Variants in PBX1 observed in about 807,000 individuals in gnomAD.
The protein encoded by PBX1 is pre-B-cell leukemia transcription factor 1.
Under a neutral mutation model 53.4 loss-of-function variants are expected in PBX1, and 6 were observed. That is an observed-to-expected ratio of 0.11 (90% CI 0.06 to 0.22). The LOEUF is 0.22. Ranked by LOEUF, PBX1 falls within the 10% of genes least tolerant of loss-of-function variation. The probability of loss-of-function intolerance (pLI) is 1.00; values close to 1 mark genes in which losing one functional copy is unlikely to be tolerated. For missense variants in PBX1, 251 were observed against 551.4 expected (o/e 0.46, Z 5.46); for synonymous variants, 204 against 212.3 (o/e 0.96, Z 0.34).
Position 164,679,382 on chromosome 1 carries a change from A to G in PBX1, c.266-113112A>G, listed in dbSNP as rs557763143. ...GTGGACATCACAGTGGGAGCAGTCT[A>G]CTGGGTGGGAGGGGTGCTGTCAGGT... On this transcript the variant is annotated intron_variant, in intron 2 of 8. Transcript: ENST00000420696. Among the ~76,000 whole-genome samples, 7 of 152,302 alleles carry G rather than the reference A, an allele frequency of 4.6e-5. No individual in the cohort carries two copies. The East Asian group carries it at 5.8e-4, about 13-fold the overall frequency.
intron 3 of PBX1, among the ~76,000 whole-genome samples, chr1:164,793,815 G>A (rs1432334925): frequency 2.6e-4 from 30 of 114,262 alleles, no homozygotes; most frequent in Admixed American, 1.8e-3. Context: ...CTTTTTTTTC[G>A]TTTCTTCTTT....
chr1:164,812,584 A>G (rs989060205), intron 6 of PBX1: 2 of 154,164 alleles, frequency 1.3e-5, no homozygotes, highest in Non-Finnish European at 2.9e-5. Context: ...ATTAGCATGC[A>G]TTCTATGCAG....
chr1:164,772,430 G>A (rs1378174009), intron 2 of PBX1, among the ~76,000 whole-genome samples: 3 of 152,168 alleles, frequency 2.0e-5, no homozygotes, highest in Non-Finnish European at 4.4e-5. Context: ...AATTTGAGAG[G>A]GCTTTGCCAC....
chr1:164,804,047 T>C (rs1669215726), intron 4 of PBX1, among the ~76,000 whole-genome samples: 1 of 152,168 alleles, frequency 6.6e-6, no homozygotes, highest in African/African-American at 2.4e-5. Context: ...TACATTGTTA[T>C]ATATATACAC....
chr1:164,621,888 C>G (rs73018921), intron 2 of PBX1, among the ~76,000 whole-genome samples: 1 of 152,002 alleles, frequency 6.6e-6, no homozygotes, highest in African/African-American at 2.4e-5. Context: ...GAAGTTAGGA[C>G]CAGAAGAAAA....
chr1:164,834,525 A>G (rs182259376), intron 8 of PBX1, among the ~76,000 whole-genome samples: 75 of 151,988 alleles, frequency 4.9e-4, no homozygotes, highest in Non-Finnish European at 9.7e-4. Context: ...TGTATTTTTT[A>G]GTAGAGACGG....
At chr1:164,844,808 C>T (rs182093412) in intron 8 of PBX1, among the ~76,000 whole-genome samples, 98 of 152,254 alleles carry the variant, frequency 6.4e-4, no homozygotes, top group African/African-American at 2.3e-3. Context: ...TCTGGTTATA[C>T]TACAGAGTCT....
chr1:164,595,922 C>G (rs1408374662), intron 2 of PBX1, among the ~76,000 whole-genome samples: 1 of 151,990 alleles, frequency 6.6e-6, no homozygotes, highest in Non-Finnish European at 1.5e-5. Flanking sequence ...ATTTTTAGGG[C>G]TTTGGTGGAG....
chr1:164,713,154 G>A (rs1347299680), intron 2 of PBX1, among the ~76,000 whole-genome samples: 3 of 152,104 alleles, frequency 2.0e-5, no homozygotes, highest in Admixed American at 2.0e-4. Context: ...CTGGGGAGGA[G>A]TTGTAAGTTT....
intron 2 of PBX1, among the ~76,000 whole-genome samples, chr1:164,586,766 T>C (rs1248036974): frequency 6.6e-6 from 1 of 152,152 alleles, no homozygotes; most frequent in Admixed American, 6.5e-5. Flanking sequence ...GAAATCCTGT[T>C]GAACACAGAA....
chr1:164,716,066 C>T (rs1287344047), intron 2 of PBX1, among the ~76,000 whole-genome samples: 10 of 152,176 alleles, frequency 6.6e-5, no homozygotes, highest in Admixed American at 3.9e-4. Context: ...TTCAGAAGCA[C>T]GTGACTGGCA....
At chr1:164,621,673 G>A (rs144907818) in intron 2 of PBX1, among the ~76,000 whole-genome samples, 119 of 152,152 alleles carry the variant, frequency 7.8e-4, no homozygotes, top group East Asian at 5.6e-3. Flanking sequence ...AATCATTCAC[G>A]TCCAGGGTGC....
chr1:164,565,598 G>A (rs749360151), intron 2 of PBX1, among the ~76,000 whole-genome samples: 5 of 152,148 alleles, frequency 3.3e-5, no homozygotes, highest in Non-Finnish European at 5.9e-5. Flanking sequence ...TTAAAGGTAG[G>A]AGTCAACTGT....
intron 2 of PBX1, among the ~76,000 whole-genome samples, chr1:164,788,796 A>C (rs778825258): frequency 1.7e-4 from 21 of 121,228 alleles, no homozygotes; most frequent in Middle Eastern, 9.3e-3. Flanking sequence ...TTTCTTCAGA[A>C]CTCTGATTGG....
At chr1:164,875,988 G>GTATGTATATA (rs1553256088) in intron 2 of PBX1, among the ~76,000 whole-genome samples, 21 of 56,918 alleles carry the variant, frequency 3.7e-4, no homozygotes, top group East Asian at 1.8e-3. Context: ...TGGTGTATGT[G>GTATGTATATA]TATATATATA....
intron 8 of PBX1, among the ~76,000 whole-genome samples, chr1:164,843,510 G>GGT (rs146342156): frequency 4.0e-5 from 6 of 151,600 alleles, no homozygotes; most frequent in South Asian, 2.1e-4. Flanking sequence ...AATCTGAGGG[G>GGT]GTGTGTGTGT....
intron 2 of PBX1, among the ~76,000 whole-genome samples, chr1:164,580,501 A>ATC (rs1654535833): frequency 6.6e-6 from 1 of 151,448 alleles, no homozygotes; most frequent in Admixed American, 6.6e-5. Context: ...GCTGGTCTTG[A>ATC]ACTCCTGACC....
rs75065925 is a variant in PBX1, at chr1:164,777,755, G to C, written c.266-14739G>C. 9.4e-3 allele frequency among the ~76,000 whole-genome samples: 1,429 copies of C among 152,296 alleles called. 25 individuals are homozygous for C. The highest frequency in any genetic ancestry group is 0.033 in the African/African-American group (1,378 of 41,562). On this transcript the variant is annotated intron_variant, in intron 2 of 8. Transcript: ENST00000420696. ...AGTTTTGCAATCAGCAGCATTGTTT[G>C]AATGTTTACCTAAAGCAGAAATCTC...
chr1:164,866,315 C>T (rs1308410065), intron 2 of PBX1, among the ~76,000 whole-genome samples: 3 of 152,212 alleles, frequency 2.0e-5, no homozygotes, highest in Non-Finnish European at 4.4e-5. Flanking sequence ...CTTCATCTGC[C>T]AGTGGGCAAC....
Sources: allele counts gnomAD v4.1 joint callset (sites outside exome capture counted in the v4.1 genomes callset), GRCh38; gene constraint gnomAD v4.1.1; transcripts MANE v1.5; gene names NCBI Gene and HGNC (gene_info 2026-07-23, HGNC 2026-07-21).